The following UBR3 variants were observed in gnomAD, a reference collection of about 807,000 sequenced individuals.
UBR3 encodes ubiquitin protein ligase E3 component n-recognin 3.
UBR3 carries 85 observed loss-of-function variants against 243.2 expected under a neutral mutation model. The ratio of observed to expected loss-of-function variants is 0.35; its 90% CI spans 0.29 to 0.42. UBR3 has a LOEUF of 0.42. Ranked by LOEUF, UBR3 falls within the 10% of genes least tolerant of loss-of-function variation. The pLI is 1.00. For missense variants in UBR3, 1,686 were observed against 2,300.8 expected (o/e 0.73, Z 5.47); for synonymous variants, 748 against 799.8 (o/e 0.94, Z 1.09).
intron 1 of UBR3, among the ~76,000 whole-genome samples, chr2:169,869,284 C>T (rs2083362866): frequency 7.8e-6 from 1 of 128,092 alleles, no homozygotes; most frequent in African/African-American, 3.0e-5. Flanking sequence ...TGCAGTGGTG[C>T]GATCTCGGCT....
In UBR3 at chr2:170,029,353, G is replaced by A. The variant is rs2090610755; in HGVS notation, c.4461G>A (p.Leu1487=). 2 of 1,600,940 alleles carry A rather than the reference G, an allele frequency of 1.2e-6. No individual in the cohort carries two copies. The highest frequency in any genetic ancestry group is 1.4e-5 in the African/African-American group (1 of 74,052). ...TAGKRSCLNQ[L]FHVLALHMRL... is the part of the protein sequence containing the mutation. ...TTTCTTCAATTTTTTCAGATCAGCTGTTTCATGTATTAGCCTTGCACATGC... is the reference window on the plus strand; with the variant it reads ...TTTCTTCAATTTTTTCAGATCAGCTATTTCATGTATTAGCCTTGCACATGC... Residue 1487 remains leucine, a synonymous_variant, in exon 31 of 39, where the codon CTG becomes CTA. Transcript: ENST00000272793.
chr2:169,890,528 G>GATATAT (rs2084288723), intron 5 of UBR3, among the ~76,000 whole-genome samples: 8 of 55,250 alleles, frequency 1.4e-4, no homozygotes, highest in African/African-American at 7.5e-4. Flanking sequence ...TTTTCTAGGA[G>GATATAT]AGAGAGAGAG....
intron 29 of UBR3, among the ~76,000 whole-genome samples, chr2:170,012,784 A>G (rs1319552021): frequency 6.6e-6 from 1 of 151,890 alleles, no homozygotes; most frequent in Non-Finnish European, 1.5e-5. Flanking sequence ...TTTTCACCAA[A>G]CCAACGTGTG....
chr2:169,876,849 C>A (rs866763143), intron 3 of UBR3, among the ~76,000 whole-genome samples: 24 of 152,284 alleles, frequency 1.6e-4, no homozygotes, highest in African/African-American at 5.3e-4. Flanking sequence ...CAGGCATGAG[C>A]CACCACGCCC....
chr2:170,073,032 GT>G (rs1387293471), intron 35 of UBR3, among the ~76,000 whole-genome samples: 1 of 152,024 alleles, frequency 6.6e-6, no homozygotes, highest in Non-Finnish European at 1.5e-5. Flanking sequence ...TGAATTCCAT[GT>G]TTTTATTATT....
chr2:169,987,403 A>C lies in UBR3; in HGVS notation c.3784+609A>C, dbSNP rs553885545. ...GCAAGACTCTGTCTCAAAAAAAAAA[A>C]AAAAACAAAAAAAAAACAAAAACAA... is the stretch of plus-strand genomic sequence containing the variant. On this transcript the variant is annotated intron_variant, in intron 25 of 38. Coordinates refer to ENST00000272793, the MANE Select transcript of UBR3 (RefSeq NM_172070.4). Among the ~76,000 whole-genome samples the C allele has an allele frequency of 4.1e-4, 61 of 150,588 alleles. 1 individual carries two copies. The East Asian group carries it at 0.01, about 25-fold the overall frequency.
chr2:169,971,788 A>G (rs1432317481), intron 24 of UBR3, among the ~76,000 whole-genome samples: 1 of 152,174 alleles, frequency 6.6e-6, no homozygotes, highest in East Asian at 1.9e-4. Flanking sequence ...AATTTATAGC[A>G]CTAAATGCCC....
At chr2:170,003,447 C>G (rs1159378206) in intron 27 of UBR3, among the ~76,000 whole-genome samples, 1 of 134,990 alleles carries the variant, frequency 7.4e-6, no homozygotes, top group Non-Finnish European at 1.6e-5. Context: ...ATGCATTTTT[C>G]ATATCCCTGT....
intron 11 of UBR3, among the ~76,000 whole-genome samples, chr2:169,917,776 C>T (rs752615313): frequency 1.3e-5 from 2 of 152,092 alleles, no homozygotes; most frequent in African/African-American, 2.4e-5. Context: ...AATCTTGGCT[C>T]ACTGCAACCT....
intron 30 of UBR3, among the ~76,000 whole-genome samples, chr2:170,026,957 CAATG>C (rs1212375420): frequency 1.3e-5 from 2 of 151,778 alleles, no homozygotes; most frequent in Non-Finnish European, 2.9e-5. Context: ...ACTTTCAAAA[CAATG>C]AATAAATAAC....
intron 5 of UBR3, among the ~76,000 whole-genome samples, chr2:169,887,554 C>A (rs1327465634): frequency 6.6e-6 from 1 of 152,110 alleles, no homozygotes; most frequent in African/African-American, 2.4e-5. Context: ...GAACTTATAA[C>A]TGATAATATA....
At chr2:169,986,047 A>G (rs1295243243) in intron 24 of UBR3, among the ~76,000 whole-genome samples, 5 of 152,186 alleles carry the variant, frequency 3.3e-5, no homozygotes, top group South Asian at 2.1e-4. Context: ...TAGTAACATT[A>G]TATCACCAGA....
rs562576773 is a variant in UBR3, at chr2:169,831,456, A to G, written c.545+3404A>G. Among the ~76,000 whole-genome samples the G allele has an allele frequency of 1.2e-4, 18 of 152,100 alleles. No individual in the cohort carries two copies. In the South Asian group the frequency reaches 3.3e-3, roughly 28 times the overall value. On this transcript the variant is annotated intron_variant, in intron 1 of 38. Coordinates refer to ENST00000272793, the MANE Select transcript of UBR3 (RefSeq NM_172070.4). ...TGAGCCACCACACCCGGCCGGATAC[A>G]TAATATTTAAAGATTTATTATTATC...
chr2:170,050,795 A>G (rs879301022), intron 32 of UBR3, among the ~76,000 whole-genome samples: 2 of 152,208 alleles, frequency 1.3e-5, no homozygotes, highest in Non-Finnish European at 2.9e-5. Flanking sequence ...GGTGTTACAC[A>G]TGGCAAGCAT....
chr2:170,041,023 A>G (rs2105431867), intron 32 of UBR3, 38 bp downstream of exon 32: 2 of 1,553,584 alleles, frequency 1.3e-6, no homozygotes, highest in Non-Finnish European at 1.8e-6. Flanking sequence ...ATTATATACT[A>G]TGTATTTTGA....
At chr2:169,987,538 G>A (rs1311486273) in intron 25 of UBR3, among the ~76,000 whole-genome samples, 1 of 151,114 alleles carries the variant, frequency 6.6e-6, no homozygotes, top group African/African-American at 2.4e-5. Context: ...TCTGTGAATT[G>A]GTATGTTTAG....
chr2:169,857,320 G>A (rs1207988716), intron 1 of UBR3, among the ~76,000 whole-genome samples: 1 of 151,864 alleles, frequency 6.6e-6, no homozygotes, highest in Non-Finnish European at 1.5e-5. Context: ...CAGATGATTC[G>A]CCTGCCTCAG....
At chr2:169,974,911 G>A (rs1219830274) in intron 24 of UBR3, among the ~76,000 whole-genome samples, 2 of 152,126 alleles carry the variant, frequency 1.3e-5, no homozygotes, top group Admixed American at 1.3e-4. Flanking sequence ...GCTGGGCATG[G>A]TGGCTCTTGC....
intron 6 of UBR3, 92 bp downstream of exon 6, chr2:169,891,323 A>C: frequency 1.1e-6 from 1 of 905,036 alleles, no homozygotes; most frequent in Non-Finnish European, 1.7e-6. Flanking sequence ...AGCCATACTG[A>C]CATCAAAGCT....
Sources: allele counts gnomAD v4.1 joint callset (sites outside exome capture counted in the v4.1 genomes callset), GRCh38; gene constraint gnomAD v4.1.1; transcripts MANE v1.5; gene names NCBI Gene and HGNC (gene_info 2026-07-23, HGNC 2026-07-21).